SEMA3A: variants seen among roughly 807,000 people sequenced by gnomAD.
SEMA3A encodes semaphorin-3A.
Under a neutral mutation model 97.9 loss-of-function variants are expected in SEMA3A, and 29 were observed. The ratio of observed to expected loss-of-function variants is 0.30; its 90% CI spans 0.22 to 0.40. The LOEUF is 0.40. SEMA3A is among the 10% of genes least tolerant of loss of function. The probability of loss-of-function intolerance (pLI) is 1.00; values close to 1 mark genes in which losing one functional copy is unlikely to be tolerated. For missense variants in SEMA3A, 763 were observed against 951.3 expected (o/e 0.80, Z 2.60); for synonymous variants, 321 against 323.7 (o/e 0.99, Z 0.09).
intron 3 of SEMA3A, among the ~76,000 whole-genome samples, chr7:84,273,596 A>G (rs1800210035): frequency 6.6e-6 from 1 of 152,152 alleles, no homozygotes; most frequent in Admixed American, 6.6e-5. Flanking sequence ...AAACTTTGAG[A>G]AATGTCCCAC....
At chr7:84,110,421 AATAGAAAGGGGTC>A (rs757701324) in intron 4 of SEMA3A, 36 bp downstream of exon 4, 3 of 1,602,226 alleles carry the variant, frequency 1.9e-6, no homozygotes, top group Admixed American at 3.4e-5. Context: ...AAGCATTTTG[AATAGAAAGGGGTC>A]ATGGACAAAT....
intron 4 of SEMA3A, among the ~76,000 whole-genome samples, chr7:84,073,863 TAAA>T (rs57789538): frequency 9.7e-4 from 99 of 101,668 alleles, no homozygotes; most frequent in African/African-American, 1.4e-3. Context: ...TAAAAAAAGC[TAAA>T]AAAAAAAAAA....
intron 6 of SEMA3A, among the ~76,000 whole-genome samples, chr7:84,034,078 G>A (rs1791858524): frequency 6.6e-6 from 1 of 151,822 alleles, no homozygotes; most frequent in Admixed American, 6.6e-5. Flanking sequence ...TCGCTTCCCA[G>A]GTTCAACTGA....
intron 3 of SEMA3A, among the ~76,000 whole-genome samples, chr7:84,298,120 C>G (rs1358036314): frequency 6.6e-6 from 1 of 152,114 alleles, no homozygotes; most frequent in Admixed American, 6.6e-5. Context: ...GGAGGGAGAA[C>G]TGATTCATCA....
chr7:84,438,106 G>A (rs977272933), intron 1 of SEMA3A, among the ~76,000 whole-genome samples: 4 of 151,866 alleles, frequency 2.6e-5, no homozygotes, highest in African/African-American at 9.7e-5. Flanking sequence ...TAGACTAGGG[G>A]GTATGCTTTA....
intron 1 of SEMA3A, among the ~76,000 whole-genome samples, chr7:84,433,590 C>T (rs150473638): frequency 0.016 from 2,361 of 152,118 alleles, 66 homozygotes; most frequent in African/African-American, 0.053. Flanking sequence ...TGGGTATATA[C>T]CCAGTAATGG....
At chr7:84,163,017 G>A (rs1033379289) in intron 1 of SEMA3A, among the ~76,000 whole-genome samples, 1 of 152,152 alleles carries the variant, frequency 6.6e-6, no homozygotes, top group African/African-American at 2.4e-5. Flanking sequence ...ATTAATCAGT[G>A]TAATTGCTGG....
chr7:84,040,975 C>A (rs1792116226), intron 6 of SEMA3A, among the ~76,000 whole-genome samples: 1 of 151,886 alleles, frequency 6.6e-6, no homozygotes, highest in Non-Finnish European at 1.5e-5. Context: ...CTGTTAATTT[C>A]AAAGTAAGAA....
At chr7:84,451,795 T>C (rs974506587) in intron 1 of SEMA3A, among the ~76,000 whole-genome samples, 1 of 152,332 alleles carries the variant, frequency 6.6e-6, no homozygotes, top group African/African-American at 2.4e-5. Flanking sequence ...AATAGGAACA[T>C]AGTTCCCATT....
chr7:84,230,627 T>C (rs139518181), intron 3 of SEMA3A, among the ~76,000 whole-genome samples: 107 of 152,082 alleles, frequency 7.0e-4, no homozygotes, highest in Non-Finnish European at 1.0e-3. Flanking sequence ...TCTCATTTGA[T>C]TCTACTGTCT....
At chr7:84,487,467 T>A (rs1056712522) in intron 1 of SEMA3A, among the ~76,000 whole-genome samples, 1 of 152,106 alleles carries the variant, frequency 6.6e-6, no homozygotes, top group African/African-American at 2.4e-5. Context: ...CCAGAAGCAA[T>A]TAGCATAAGA....
intron 1 of SEMA3A, among the ~76,000 whole-genome samples, chr7:84,455,481 A>C (rs2116375416): frequency 6.6e-6 from 1 of 152,122 alleles, no homozygotes; most frequent in East Asian, 1.9e-4. Flanking sequence ...AATATTTTAT[A>C]ACCTCTTTAC....
chr7:84,243,675 T>C (rs1451330949), intron 3 of SEMA3A, among the ~76,000 whole-genome samples: 1 of 152,162 alleles, frequency 6.6e-6, no homozygotes, highest in East Asian at 1.9e-4. Flanking sequence ...ATTGTAGTTA[T>C]TTCTTGTCTT....
chr7:84,442,532 A>T (rs1805298371), intron 1 of SEMA3A, among the ~76,000 whole-genome samples: 1 of 152,118 alleles, frequency 6.6e-6, no homozygotes, highest in Non-Finnish European at 1.5e-5. Context: ...TCAACTAAAC[A>T]CCAAAGAAAA....
At chr7:84,417,831 G>T (rs1459597055) in intron 1 of SEMA3A, among the ~76,000 whole-genome samples, 1 of 151,920 alleles carries the variant, frequency 6.6e-6, no homozygotes, top group Non-Finnish European at 1.5e-5. Flanking sequence ...TAAATTGCAG[G>T]TGTAATGGTT....
intron 12 of SEMA3A, among the ~76,000 whole-genome samples, chr7:83,995,607 T>C (rs1335958302): frequency 1.3e-5 from 2 of 152,198 alleles, no homozygotes; most frequent in Admixed American, 6.5e-5. Context: ...TTCTGAGAAA[T>C]AGCAGGTAGT....
At chr7:84,072,072 T>C (rs951824156) in intron 4 of SEMA3A, among the ~76,000 whole-genome samples, 2 of 152,092 alleles carry the variant, frequency 1.3e-5, no homozygotes, top group Admixed American at 1.3e-4. Flanking sequence ...TGATACTCTT[T>C]AACGTCTTGG....
chr7:84,159,369 TA>T (rs905192047), intron 1 of SEMA3A, among the ~76,000 whole-genome samples: 5 of 151,830 alleles, frequency 3.3e-5, no homozygotes, highest in East Asian at 1.9e-4. Context: ...AACAGCAATT[TA>T]AAAAAAAATC....
At chr7:84,191,610 T>C (rs1273973149) in intron 1 of SEMA3A, among the ~76,000 whole-genome samples, 1 of 151,904 alleles carries the variant, frequency 6.6e-6, no homozygotes, top group Non-Finnish European at 1.5e-5. Context: ...ACTAGTTTTG[T>C]AGAAGAAATA....
Sources: allele counts gnomAD v4.1 joint callset (sites outside exome capture counted in the v4.1 genomes callset), GRCh38; gene constraint gnomAD v4.1.1; transcripts MANE v1.5; gene names NCBI Gene and HGNC (gene_info 2026-07-23, HGNC 2026-07-21).